The following LVRN variants were observed in gnomAD, a reference collection of about 807,000 sequenced individuals.
LVRN encodes the protein laeverin.
Under a neutral mutation model 111.4 loss-of-function variants are expected in LVRN, and 99 were observed. The ratio of observed to expected loss-of-function variants is 0.89; its 90% CI spans 0.76 to 1.05. The LOEUF (loss-of-function observed/expected upper bound fraction) is 1.05. Among genes scored for constraint, LVRN ranks in the 50% least tolerant of loss-of-function variants. LVRN has a pLI of 0.00. For missense variants in LVRN, 1,414 were observed against 1,206.8 expected, an observed-to-expected ratio of 1.17 and a Z score of -2.54; for synonymous variants, 488 against 449.5, an observed-to-expected ratio of 1.09 and a Z score of -1.08.
rs1163675073 is a variant in LVRN, at chr5:115,962,680, G to C, written c.63G>C (p.Gly21=). 4.3e-6 allele frequency: 7 copies of C among 1,610,514 alleles called. No homozygotes were observed. The highest frequency in any genetic ancestry group is 2.2e-5 in the East Asian group (1 of 44,822). ...GCGCAGTGGCCCTGCTGCTGGCTGG[G>C]CTGGTAGCCGCCCTCCTGCTGGCGC... The part of the protein sequence containing the change: ...VSRAVALLLA[G]LVAALLLALA... The change falls in exon 1 of 20, where the codon GGG becomes GGC. Residue 21 remains glycine (G), a synonymous_variant. Coordinates refer to ENST00000357872, the MANE Select transcript of LVRN (RefSeq NM_173800.5).
At chr5:115,977,779 A>T (rs1285015864) in intron 1 of LVRN, among the ~76,000 whole-genome samples, 1 of 152,174 alleles carries the variant, frequency 6.6e-6, no homozygotes, top group Non-Finnish European at 1.5e-5. Context: ...GTCAATTAAG[A>T]TGGTGGGACT....
chr5:115,965,662 G>C (rs925073045), intron 1 of LVRN, among the ~76,000 whole-genome samples: 2 of 152,084 alleles, frequency 1.3e-5, no homozygotes, highest in Non-Finnish European at 2.9e-5. Context: ...ACATGGGGGT[G>C]GTTTCCCCCA....
intron 1 of LVRN, among the ~76,000 whole-genome samples, chr5:115,968,471 C>T (rs180977144): frequency 8.0e-4 from 118 of 147,440 alleles, no homozygotes; most frequent in Non-Finnish European, 1.5e-3. Context: ...TGGGATCTCA[C>T]TCTGTCACTG....
chr5:115,994,612 C>G (rs759003620), intron 6 of LVRN, among the ~76,000 whole-genome samples: 1 of 149,732 alleles, frequency 6.7e-6, no homozygotes, highest in Non-Finnish European at 1.5e-5. Context: ...CAGTGTGTGA[C>G]TTTTATGATA....
At chr5:116,003,076 T>C (rs1364980388) in intron 11 of LVRN, among the ~76,000 whole-genome samples, 165 bp downstream of exon 11, 1 of 152,206 alleles carries the variant, frequency 6.6e-6, no homozygotes, top group African/African-American at 2.4e-5. Flanking sequence ...AAAGCCATTA[T>C]ATGTGAAAAA....
At chr5:115,983,600 T>G (rs1056618200) in intron 2 of LVRN, among the ~76,000 whole-genome samples, 171 bp downstream of exon 2, 6 of 152,210 alleles carry the variant, frequency 3.9e-5, no homozygotes, top group Non-Finnish European at 8.8e-5. Context: ...ACCTTGGAGA[T>G]GGTAAATCCT....
intron 14 of LVRN, 104 bp from the exon 15 acceptor site, chr5:116,012,270 G>T: frequency 1.5e-6 from 1 of 658,510 alleles, no homozygotes; most frequent in Non-Finnish European, 2.7e-6. Context: ...AGAAATATCT[G>T]CCACTTGTCT....
intron 1 of LVRN, among the ~76,000 whole-genome samples, chr5:115,965,740 C>T (rs1345620488): frequency 6.6e-6 from 1 of 152,108 alleles, no homozygotes; most frequent in African/African-American, 2.4e-5. Flanking sequence ...GGCATTTCCC[C>T]TGCTTGCATT....
chr5:116,015,154 G>T, intron 16 of LVRN, 98 bp from the exon 17 acceptor site: 1 of 871,740 alleles, frequency 1.1e-6, no homozygotes, highest in Non-Finnish European at 1.5e-6. Context: ...TTATATCTGT[G>T]ACTATAAATA....
chr5:115,999,271 C>G (rs949488890), intron 6 of LVRN, among the ~76,000 whole-genome samples: 3 of 152,100 alleles, frequency 2.0e-5, no homozygotes, highest in African/African-American at 7.2e-5. Context: ...GAGCCATAAA[C>G]TGTAATATCC....
intron 6 of LVRN, 108 bp from the exon 7 acceptor site, chr5:115,999,654 A>G: frequency 3.2e-6 from 4 of 1,231,328 alleles, no homozygotes; most frequent in Non-Finnish European, 4.6e-6. Context: ...TCAATTACTG[A>G]ATTTTCTCCC....
At chr5:115,990,615 A>T (rs922151651) in intron 4 of LVRN, among the ~76,000 whole-genome samples, 7 of 152,160 alleles carry the variant, frequency 4.6e-5, no homozygotes, top group Non-Finnish European at 1.0e-4. Flanking sequence ...TCTATCACCC[A>T]GCCTAGAGTG....
chr5:116,015,377 C>T lies in LVRN; in HGVS notation c.2576C>T (p.Ala859Val), dbSNP rs376093371. 82 of 1,498,366 alleles carry T rather than the reference C, an allele frequency of 5.5e-5. No individual in the cohort carries two copies. Among genetic ancestry groups the T allele is most frequent in the Non-Finnish European group, 6.9e-5 (77 of 1,111,964 alleles). The allele number at this position is 1,498,366 out of a possible 1,614,324, so 92.8% of individuals were successfully genotyped here. The change falls in exon 17 of 20, where the codon GCT becomes GTT. Residue 859 changes from alanine (A) to valine (V), a missense_variant. Coordinates refer to ENST00000357872, the MANE Select transcript of LVRN (RefSeq NM_173800.5). The part of the protein sequence containing the change: ...TTNKEEKIQL[A>V]YAMSCSKDPW... ...AACAAAGAAGAAAAGATTCAACTTG[C>T]TTATGCAATGAGCTGCAGCAAAGAC...
chr5:115,963,362 C>A (rs781664366), intron 1 of LVRN, 50 bp downstream of exon 1: 1 of 1,453,864 alleles, frequency 6.9e-7, no homozygotes, highest in East Asian at 2.4e-5. Context: ...CCCTGCGTCC[C>A]GGTGCAGGCT....
Position 116,015,615 on chromosome 5 carries a change from T to C in LVRN, c.2619-13T>C. The C allele has an allele frequency of 6.3e-7, 1 of 1,581,686 alleles. No homozygotes were observed. The highest frequency in any genetic ancestry group is 8.6e-7 in the Non-Finnish European group (1 of 1,166,278). ...ATGTTTAAAATGTATTTTTTGAAAA[T>C]GCACTTTTGCAGATATATGGAGTAT... is the stretch of plus-strand genomic sequence containing the variant. On this transcript the variant is annotated splice_polypyrimidine_tract_variant and intron_variant, in intron 17 of 19. Transcript: ENST00000357872.
intron 1 of LVRN, among the ~76,000 whole-genome samples, chr5:115,979,139 A>G (rs563019792): frequency 5.9e-5 from 9 of 152,254 alleles, no homozygotes; most frequent in African/African-American, 2.2e-4. Context: ...GGTAGGGGAC[A>G]CAGCTCTTGC....
chr5:116,023,597 T>C (rs1748801946), intron 19 of LVRN: 1 of 152,160 alleles, frequency 6.6e-6, no homozygotes. Flanking sequence ...TCACTGGCAC[T>C]GGGAAGGGGA....
intron 6 of LVRN, among the ~76,000 whole-genome samples, chr5:115,997,341 A>G (rs890287715): frequency 2.0e-5 from 3 of 152,168 alleles, no homozygotes; most frequent in Non-Finnish European, 4.4e-5. Context: ...AATTTATTAC[A>G]ATAAATAATG....
intron 17 of LVRN, 29 bp from the exon 18 acceptor site, chr5:116,015,599 A>C: frequency 1.9e-6 from 3 of 1,585,070 alleles, no homozygotes; most frequent in Non-Finnish European, 2.6e-6. Context: ...GATGTTTAAA[A>C]TGTATTTTTT....
Sources: gnomAD v4.1 joint callset for allele counts (sites outside exome capture counted in the v4.1 genomes callset) on GRCh38, gnomAD v4.1.1 for gene constraint, MANE v1.5 for transcripts, NCBI Gene and HGNC (gene_info 2026-07-23, HGNC 2026-07-21) for gene names.